BABAM2: variants seen among roughly 807,000 people sequenced by gnomAD.
BABAM2 encodes the protein BRISC and BRCA1-A complex member 2.
A neutral mutation model predicts 54.7 loss-of-function variants in BABAM2; 31 were observed. The ratio of observed to expected loss-of-function variants is 0.57; its 90% CI spans 0.43 to 0.77. The LOEUF is 0.77. Among genes scored for constraint, BABAM2 ranks in the 30% least tolerant of loss-of-function variants. The pLI, the probability that BABAM2 is intolerant of heterozygous loss-of-function variation, is 0.00. For synonymous variants in BABAM2, 167 were observed against 162.9 expected (o/e 1.03, Z -0.19); for missense variants, 364 against 455.8 (o/e 0.80, Z 1.83).
At chr2:27,963,920 C>T (rs916091366) in intron 3 of BABAM2, among the ~76,000 whole-genome samples, 1 of 152,058 alleles carries the variant, frequency 6.6e-6, no homozygotes, top group Non-Finnish European at 1.5e-5. Context: ...TCATTCTATC[C>T]CAGTAGGTTA....
At chr2:28,140,789 G>A (rs79040927) in intron 7 of BABAM2, among the ~76,000 whole-genome samples, 2,028 of 152,182 alleles carry the variant, frequency 0.013, 44 homozygotes, top group African/African-American at 0.047. Flanking sequence ...GTAGCTATGT[G>A]TGTGTATATA....
intron 2 of BABAM2, among the ~76,000 whole-genome samples, chr2:27,907,751 C>A (rs1396824764): frequency 6.6e-6 from 1 of 152,138 alleles, no homozygotes; most frequent in African/African-American, 2.4e-5. Context: ...ACTTTAGGTA[C>A]CTCACTTGAT....
At chr2:28,264,080 C>T (rs1684772435) in intron 10 of BABAM2, among the ~76,000 whole-genome samples, 1 of 152,186 alleles carries the variant, frequency 6.6e-6, no homozygotes, top group Non-Finnish European at 1.5e-5. Flanking sequence ...CTCGTTTCAG[C>T]TTTGTTTTCC....
intron 10 of BABAM2, among the ~76,000 whole-genome samples, chr2:28,265,689 AACTT>A (rs1428489677): frequency 6.6e-6 from 1 of 152,136 alleles, no homozygotes; most frequent in African/African-American, 2.4e-5. Flanking sequence ...ACACTCAGCT[AACTT>A]CCCTACTCTT....
intron 11 of BABAM2, among the ~76,000 whole-genome samples, chr2:28,332,245 G>A (rs78629679): frequency 6.6e-6 from 1 of 152,248 alleles, no homozygotes; most frequent in East Asian, 1.9e-4. Context: ...AACCACCATG[G>A]CACACTTTTA....
chr2:28,112,185 C>T lies in BABAM2; in HGVS notation c.571-17086C>T, dbSNP rs181600659. On this transcript the variant is annotated intron_variant, in intron 6 of 11. Transcript: ENST00000379624. ...TCCCTCCCTCCCTCCCTCCCTCCCT[C>T]CCTCCCTCCCTCCCTTCCTTCCTTC... is the stretch of plus-strand genomic sequence containing the variant. 2.3e-3 allele frequency among the ~76,000 whole-genome samples: 71 copies of T among 30,556 alleles called. 9 individuals are homozygous for T. Among genetic ancestry groups the T allele is most frequent in the African/African-American group, 5.4e-3 (29 of 5,400 alleles). 20.0% of individuals were successfully genotyped at this position (30,556 alleles called of 152,430 possible). A position where few individuals can be genotyped will look rare whatever the true frequency, so the allele number is the denominator to read the frequency against.
chr2:28,308,508 A>C (rs1176691038), intron 11 of BABAM2: 1 of 524,458 alleles, frequency 1.9e-6, no homozygotes, highest in East Asian at 5.1e-5. Flanking sequence ...GAAGAAGCTC[A>C]GTGACACTGC....
intron 3 of BABAM2, among the ~76,000 whole-genome samples, chr2:27,964,830 A>G (rs370143093): frequency 6.6e-6 from 1 of 152,200 alleles, no homozygotes; most frequent in East Asian, 1.9e-4. Context: ...TCTACTCATC[A>G]CATTCTGTTC....
chr2:28,218,575 A>G lies in BABAM2; in HGVS notation c.681-18627A>G, dbSNP rs1194833083. On this transcript the variant is annotated intron_variant, in intron 7 of 11. Coordinates refer to ENST00000379624, the MANE Select transcript of BABAM2 (RefSeq NM_199191.3). Reference sequence around the variant, plus strand: ...ATGATGTGTCTGTCCTGAGTATAACATATCAAAAGTCACATGATGTCAGTT... The same window carrying G: ...ATGATGTGTCTGTCCTGAGTATAACGTATCAAAAGTCACATGATGTCAGTT... Among the ~76,000 whole-genome samples the G allele has an allele frequency of 3.3e-5, 5 of 152,156 alleles. 1 individual carries two copies. The East Asian group carries it at 9.6e-4, about 29-fold the overall frequency.
intron 10 of BABAM2, among the ~76,000 whole-genome samples, chr2:28,267,416 A>G (rs897657057): frequency 1.3e-5 from 2 of 150,892 alleles, no homozygotes; most frequent in African/African-American, 4.9e-5. Context: ...CTTCATTTAC[A>G]CTGACTAGAC....
intron 7 of BABAM2, among the ~76,000 whole-genome samples, chr2:28,178,480 AC>A (rs1361288624): frequency 6.6e-6 from 1 of 152,118 alleles, no homozygotes; most frequent in African/African-American, 2.4e-5. Flanking sequence ...GCACACCACA[AC>A]CTATGAGATA....
At chr2:27,983,471 T>C (rs1173122462) in intron 3 of BABAM2, among the ~76,000 whole-genome samples, 1 of 152,164 alleles carries the variant, frequency 6.6e-6, no homozygotes, top group Non-Finnish European at 1.5e-5. Flanking sequence ...ATTTTTAGGA[T>C]TGGCTTGTCA....
At chr2:28,053,733 G>A (rs983706832) in intron 6 of BABAM2, among the ~76,000 whole-genome samples, 4 of 152,108 alleles carry the variant, frequency 2.6e-5, no homozygotes, top group Non-Finnish European at 5.9e-5. Context: ...CTAGTTCAGG[G>A]TCCAGCAGGC....
chr2:28,249,806 A>G (rs1016461946), intron 10 of BABAM2, among the ~76,000 whole-genome samples: 1 of 151,996 alleles, frequency 6.6e-6, no homozygotes, highest in Non-Finnish European at 1.5e-5. Flanking sequence ...ACGCCCAGCT[A>G]ATTTTATGTA....
chr2:28,321,523 A>G (rs1473393137), intron 11 of BABAM2, among the ~76,000 whole-genome samples: 1 of 152,164 alleles, frequency 6.6e-6, no homozygotes, highest in African/African-American at 2.4e-5. Context: ...TGTGAAATCT[A>G]AGCAGAATGA....
In BABAM2 at chr2:28,288,368, A is replaced by C. The variant is rs141197352; in HGVS notation, c.935-9970A>C. Among the ~76,000 whole-genome samples, 1,055 of 146,250 alleles carry C rather than the reference A, an allele frequency of 7.2e-3. 10 individuals carry two copies. The highest frequency in any genetic ancestry group is 0.025 in the African/African-American group (1,001 of 39,564). On this transcript the variant is annotated intron_variant, in intron 10 of 11. Transcript: ENST00000379624. ...TTTGAGACAGTCTTGCTCTGTCACC[A>C]AGGCTGGAGTGCAATGGCGTGATCT...
chr2:28,212,523 T>C (rs1007880537), intron 7 of BABAM2, among the ~76,000 whole-genome samples: 4 of 152,366 alleles, frequency 2.6e-5, no homozygotes, highest in South Asian at 2.1e-4. Flanking sequence ...GGAATTTTTT[T>C]CCTACATTTA....
At chr2:27,913,200 T>C (rs922108684) in intron 2 of BABAM2, among the ~76,000 whole-genome samples, 8 of 152,330 alleles carry the variant, frequency 5.3e-5, no homozygotes, top group African/African-American at 1.9e-4. Context: ...CTTTTATTAG[T>C]AGATTCATCA....
chr2:28,065,987 A>AG (rs1447435424), intron 6 of BABAM2, among the ~76,000 whole-genome samples: 1 of 150,660 alleles, frequency 6.6e-6, no homozygotes, highest in Non-Finnish European at 1.5e-5. Context: ...CTAAAAAAAA[A>AG]AAAAAAAAAA....
Sources: allele counts gnomAD v4.1 joint callset (sites outside exome capture counted in the v4.1 genomes callset), GRCh38; gene constraint gnomAD v4.1.1; transcripts MANE v1.5; gene names NCBI Gene and HGNC (gene_info 2026-07-23, HGNC 2026-07-21).